Variants in GALNT13 observed in about 807,000 individuals in gnomAD.
GALNT13 encodes the protein polypeptide N-acetylgalactosaminyltransferase 13, also known as UDP-GalNAc:polypeptide N-acetylgalactosaminyltransferase 13.
Under a neutral mutation model 64.2 loss-of-function variants are expected in GALNT13, and 28 were observed. That is an observed-to-expected ratio of 0.44 (90% confidence interval 0.32 to 0.60). The LOEUF (loss-of-function observed/expected upper bound fraction) is 0.60, where lower values mean the gene tolerates loss of function less well. Among genes scored for constraint, GALNT13 ranks in the 20% least tolerant of loss-of-function variants. The pLI, the probability that GALNT13 is intolerant of heterozygous loss-of-function variation, is 0.05. For synonymous variants in GALNT13, 214 were observed against 224.6 expected (o/e 0.95, Z 0.42); for missense variants, 577 against 669.8 (o/e 0.86, Z 1.53).
At chr2:154,047,747 A>G (rs1157783611) in intron 3 of GALNT13, among the ~76,000 whole-genome samples, 1 of 152,120 alleles carries the variant, frequency 6.6e-6, no homozygotes, top group East Asian at 1.9e-4. Context: ...TGTGATATTA[A>G]CTTAAAGCAG....
chr2:153,496,646 C>T, the GALNT13 span, among the ~76,000 whole-genome samples: 1 of 152,036 alleles, frequency 6.6e-6, no homozygotes, highest in Non-Finnish European at 1.5e-5. Context: ...ATTTCTTCTA[C>T]TGCTTTTCAT....
At chr2:153,925,833 G>A (rs987685098) in intron 2 of GALNT13, among the ~76,000 whole-genome samples, 2 of 152,004 alleles carry the variant, frequency 1.3e-5, no homozygotes, top group Non-Finnish European at 2.9e-5. Flanking sequence ...GTGAATGGAA[G>A]TTCATTTGTG....
Position 153,935,738 on chromosome 2 carries a change from T to C in GALNT13, c.-104-8656T>C, listed in dbSNP as rs147599623. On this transcript the variant is annotated intron_variant, in intron 2 of 12. Transcript: ENST00000392825. ...CTGGATTGTCAGCCACAGATGCTAC[T>C]TCACTCAGGCAGGCCATATGATTAT... is the stretch of plus-strand genomic sequence containing the variant. Among the ~76,000 whole-genome samples the C allele has an allele frequency of 2.6e-5, 4 of 152,312 alleles. No individual in the cohort carries two copies. The East Asian group carries it at 7.7e-4, about 29-fold the overall frequency.
intron 8 of GALNT13, among the ~76,000 whole-genome samples, chr2:154,259,404 T>G (rs1189856005): frequency 6.6e-6 from 1 of 152,204 alleles, no homozygotes; most frequent in African/African-American, 2.4e-5. Context: ...ATTGCTGAAA[T>G]AAAGAAGGGT....
At chr2:153,282,393 G>C in the GALNT13 span, among the ~76,000 whole-genome samples, 1 of 152,036 alleles carries the variant, frequency 6.6e-6, no homozygotes, top group Non-Finnish European at 1.5e-5. Context: ...GTTTTGATTA[G>C]GGATAATTGC....
At chr2:154,369,672 T>C (rs545188121) in intron 9 of GALNT13, among the ~76,000 whole-genome samples, 11 of 152,244 alleles carry the variant, frequency 7.2e-5, no homozygotes, top group Middle Eastern at 3.4e-3. Context: ...AGTTTCAACA[T>C]GAGGTTTAGA....
the GALNT13 span, among the ~76,000 whole-genome samples, chr2:153,484,609 C>A: frequency 6.6e-6 from 1 of 152,242 alleles, no homozygotes; most frequent in South Asian, 2.1e-4. Flanking sequence ...TTATCCTAAT[C>A]TTTAGAGCAT....
chr2:154,087,314 C>T (rs1298512854), intron 3 of GALNT13, among the ~76,000 whole-genome samples: 4 of 151,622 alleles, frequency 2.6e-5, no homozygotes, highest in African/African-American at 9.7e-5. Flanking sequence ...TTTTTTAAGT[C>T]TCTGATACAT....
chr2:154,261,668 T>C (rs1340803172), intron 8 of GALNT13, among the ~76,000 whole-genome samples: 1 of 152,128 alleles, frequency 6.6e-6, no homozygotes. Context: ...CAAAGATGAG[T>C]AAAGCATGAT....
chr2:154,347,857 T>C (rs1696159176), intron 9 of GALNT13, among the ~76,000 whole-genome samples: 1 of 152,168 alleles, frequency 6.6e-6, no homozygotes, highest in African/African-American at 2.4e-5. Context: ...ATCATACTGC[T>C]AGAAATTAGT....
At chr2:153,482,391 G>A in the GALNT13 span, among the ~76,000 whole-genome samples, 1 of 152,198 alleles carries the variant, frequency 6.6e-6, no homozygotes, top group Non-Finnish European at 1.5e-5. Context: ...AGTCTAAATG[G>A]CAAGTAGACT....
chr2:153,707,703 A>C, the GALNT13 span, among the ~76,000 whole-genome samples: 1 of 152,160 alleles, frequency 6.6e-6, no homozygotes, highest in African/African-American at 2.4e-5. Context: ...CTATCACTAG[A>C]GTCATAGCCC....
At chr2:154,171,069 G>T (rs933141004) in intron 4 of GALNT13, among the ~76,000 whole-genome samples, 16 of 152,090 alleles carry the variant, frequency 1.1e-4, no homozygotes, top group Admixed American at 5.9e-4. Context: ...AAAGCCCATA[G>T]TATCTTCCTG....
At chr2:153,980,637 G>A (rs1438720499) in intron 3 of GALNT13, among the ~76,000 whole-genome samples, 4 of 152,030 alleles carry the variant, frequency 2.6e-5, no homozygotes, top group Non-Finnish European at 4.4e-5. Flanking sequence ...TTTTGAGTCG[G>A]CAATTGGATA....
chr2:153,642,382 A>G, the GALNT13 span, among the ~76,000 whole-genome samples: 3 of 151,884 alleles, frequency 2.0e-5, no homozygotes, highest in Admixed American at 6.6e-5. Flanking sequence ...ATATATAAGA[A>G]CATGGAAAAA....
chr2:153,831,566 C>G, the GALNT13 span, among the ~76,000 whole-genome samples: 62 of 151,960 alleles, frequency 4.1e-4, 1 homozygote, highest in African/African-American at 1.4e-3. Flanking sequence ...CACGCCTCAG[C>G]ACCCAGAAAC....
intron 4 of GALNT13, among the ~76,000 whole-genome samples, chr2:154,225,160 T>TGATAGATA (rs56211679): frequency 0.2 from 27,997 of 137,296 alleles, 3,148 homozygotes; most frequent in Middle Eastern, 0.28. Context: ...GATAGATAGA[T>TGATAGATA]GATAGATAGA....
intron 4 of GALNT13, among the ~76,000 whole-genome samples, chr2:154,157,367 T>G (rs376025628): frequency 6.6e-6 from 1 of 152,266 alleles, no homozygotes. Context: ...ACAAGTGCAC[T>G]GTTCCAACAA....
rs1288105157 is a variant in GALNT13, at chr2:154,270,127, A to G, written c.975+10989A>G. Among the ~76,000 whole-genome samples the G allele has an allele frequency of 1.3e-4, 20 of 151,538 alleles. No individual in the cohort carries two copies. The Admixed American group carries it at 1.3e-3, about 10-fold the overall frequency. On this transcript the variant is annotated intron_variant, in intron 8 of 12. Coordinates refer to ENST00000392825, the MANE Select transcript of GALNT13 (RefSeq NM_052917.4). ...ATTAATCAAGCTTTAGAAGAACATT[A>G]GCAAACATTAACAAAACTTGTATTG...
Sources: allele counts gnomAD v4.1 joint callset (sites outside exome capture counted in the v4.1 genomes callset), GRCh38; gene constraint gnomAD v4.1.1; transcripts MANE v1.5; gene names NCBI Gene and HGNC (gene_info 2026-07-23, HGNC 2026-07-21).